The following RIC1 variants were observed in gnomAD, a reference collection of about 807,000 sequenced individuals.
The protein encoded by RIC1 is RIC1 partner of RAB6A GEF complex, also known as guanine nucleotide exchange factor subunit RIC1.
RIC1 carries 88 observed loss-of-function variants against 169.0 expected under a neutral mutation model. That is an observed-to-expected ratio of 0.52 (90% CI 0.44 to 0.62). The LOEUF (loss-of-function observed/expected upper bound fraction) is 0.62. Ranked by LOEUF, RIC1 falls within the 20% of genes least tolerant of loss-of-function variation. The pLI, the probability that RIC1 is intolerant of heterozygous loss-of-function variation, is 0.00. For missense variants in RIC1, 1,877 were observed against 1,725.5 expected, an observed-to-expected ratio of 1.09 and a Z score of -1.56; for synonymous variants, 790 against 601.5, an observed-to-expected ratio of 1.31 and a Z score of -4.59.
chr9:5,720,565 A>C lies in RIC1; in HGVS notation c.584-49A>C, dbSNP rs780337192. 6.6e-6 allele frequency: 10 copies of C among 1,513,402 alleles called. No individual in the cohort carries two copies. The African/African-American group carries it at 1.4e-4, about 21-fold the overall frequency. 93.7% of individuals were successfully genotyped at this position (1,513,402 alleles called of 1,614,324 possible). A position where few individuals can be genotyped will look rare whatever the true frequency, so the allele number is the denominator to read the frequency against. ...TTTTTCTGGCAAAAAGTGAGAGAGT[A>C]ATTTATTATATTCTTAATCCTATTT... On this transcript the variant is annotated intron_variant, in intron 5 of 25. Transcript: ENST00000414202.
chr9:5,709,615 T>C (rs1822813398), intron 3 of RIC1, among the ~76,000 whole-genome samples: 1 of 152,192 alleles, frequency 6.6e-6, no homozygotes, highest in African/African-American at 2.4e-5. Context: ...CATTCAGTGC[T>C]TTCATAATCT....
At chr9:5,762,401 C>T in intron 17 of RIC1, 140 bp from the exon 18 acceptor site, 1 of 1,004,940 alleles carries the variant, frequency 1.0e-6, no homozygotes, top group South Asian at 2.0e-5. Flanking sequence ...TCCCACAGAG[C>T]CTAGCAGAAT....
chr9:5,656,198 T>A (rs1819089502), intron 1 of RIC1, among the ~76,000 whole-genome samples: 1 of 152,182 alleles, frequency 6.6e-6, no homozygotes, highest in African/African-American at 2.4e-5. Flanking sequence ...TAATATCCTT[T>A]TCTGATTTTG....
intron 1 of RIC1, among the ~76,000 whole-genome samples, chr9:5,631,336 A>T (rs1382726706): frequency 6.6e-6 from 1 of 152,156 alleles, no homozygotes; most frequent in Admixed American, 6.5e-5. Flanking sequence ...TAGGGAACCC[A>T]TGGGTTTAGA....
intron 10 of RIC1, among the ~76,000 whole-genome samples, chr9:5,745,450 A>G (rs566743523): frequency 1.3e-5 from 2 of 152,314 alleles, no homozygotes; most frequent in East Asian, 1.9e-4. Context: ...CCAAGGTAAT[A>G]TATACAAAAA....
At chr9:5,680,012 C>A (rs947307634) in intron 2 of RIC1, among the ~76,000 whole-genome samples, 86 of 152,266 alleles carry the variant, frequency 5.6e-4, no homozygotes, top group African/African-American at 2.0e-3. Context: ...TGAGATACAT[C>A]CCATCAATAC....
At chr9:5,701,615 T>A (rs1224480545) in intron 3 of RIC1, among the ~76,000 whole-genome samples, 1 of 151,840 alleles carries the variant, frequency 6.6e-6, no homozygotes, top group Non-Finnish European at 1.5e-5. Flanking sequence ...AAAGAAAAGT[T>A]CAGTTACATT....
chr9:5,732,546 A>G, intron 7 of RIC1, 67 bp downstream of exon 7: 1 of 966,678 alleles, frequency 1.0e-6, no homozygotes, highest in Non-Finnish European at 1.6e-6. Flanking sequence ...TTTTTTTTGT[A>G]AACATAAGAT....
In RIC1 at chr9:5,756,195, AT is replaced by A; in HGVS notation, c.1693-12del. 1 of 1,482,056 alleles carries A rather than the reference AT, an allele frequency of 6.7e-7. No individual in the cohort carries two copies. Among genetic ancestry groups the A allele is most frequent in the Non-Finnish European group, 9.1e-7 (1 of 1,104,748 alleles). The allele number at this position is 1,482,056 out of a possible 1,614,324, so 91.8% of individuals were successfully genotyped here. On this transcript the variant is annotated splice_polypyrimidine_tract_variant and intron_variant, in intron 15 of 25. Coordinates refer to ENST00000414202, the MANE Select transcript of RIC1 (RefSeq NM_020829.4). ...TTATCTTGTTTTTATAATTTTCTTC[AT>A]TTTTGTTTTCTTCAGCTTAGAGTAT...
At chr9:5,632,239 A>T (rs1171652821) in intron 1 of RIC1, among the ~76,000 whole-genome samples, 1 of 152,226 alleles carries the variant, frequency 6.6e-6, no homozygotes, top group East Asian at 1.9e-4. Flanking sequence ...GCCTTGTGGA[A>T]GGGACAGTCG....
At chr9:5,636,258 G>A (rs1043047567) in intron 1 of RIC1, among the ~76,000 whole-genome samples, 7 of 152,038 alleles carry the variant, frequency 4.6e-5, no homozygotes, top group African/African-American at 7.2e-5. Flanking sequence ...GTTTAGTGGC[G>A]GTTAAATGTA....
chr9:5,752,102 ATTTAC>A (rs972425267), intron 12 of RIC1, among the ~76,000 whole-genome samples: 1 of 152,196 alleles, frequency 6.6e-6, no homozygotes, highest in African/African-American at 2.4e-5. Context: ...TAAAACGAAA[ATTTAC>A]TTTATCTACA....
chr9:5,653,584 TTTTCTTTCTTTC>T (rs139617606), intron 1 of RIC1, among the ~76,000 whole-genome samples: 13 of 150,574 alleles, frequency 8.6e-5, no homozygotes, highest in East Asian at 1.9e-4. Flanking sequence ...CCATTTATTT[TTTTCTTTCTTTC>T]TTTCTTTCTT....
chr9:5,680,890 G>A (rs1456371606), intron 2 of RIC1, among the ~76,000 whole-genome samples: 1 of 133,776 alleles, frequency 7.5e-6, no homozygotes, highest in Non-Finnish European at 1.6e-5. Context: ...GCAGTGGCGC[G>A]ATCTCGGCTC....
At chr9:5,669,680 A>G (rs1819977165) in intron 2 of RIC1, among the ~76,000 whole-genome samples, 1 of 152,224 alleles carries the variant, frequency 6.6e-6, no homozygotes, top group South Asian at 2.1e-4. Context: ...CTATCGCAGT[A>G]TATATAGGGA....
intron 8 of RIC1, 29 bp downstream of exon 8, chr9:5,738,567 A>G: frequency 9.7e-7 from 1 of 1,033,510 alleles, no homozygotes; most frequent in Non-Finnish European, 1.4e-6. Flanking sequence ...TTTTTTTTTT[A>G]ACATTTTTAA....
chr9:5,717,878 C>T (rs1207517620), intron 4 of RIC1, among the ~76,000 whole-genome samples: 17 of 150,286 alleles, frequency 1.1e-4, no homozygotes, highest in South Asian at 4.2e-4. Flanking sequence ...CAGTGGCTCA[C>T]GCCTGTAATC....
At chr9:5,702,631 C>A (rs538931559) in intron 3 of RIC1, among the ~76,000 whole-genome samples, 1 of 152,118 alleles carries the variant, frequency 6.6e-6, no homozygotes, top group Non-Finnish European at 1.5e-5. Flanking sequence ...CTCCGCCTCC[C>A]GGGTTGAAGC....
chr9:5,766,969 A>G (rs532476547), intron 21 of RIC1, among the ~76,000 whole-genome samples: 1 of 152,302 alleles, frequency 6.6e-6, no homozygotes, highest in East Asian at 1.9e-4. Flanking sequence ...GGCAGTGTAG[A>G]AGTGTTCCCT....
Sources: allele counts gnomAD v4.1 joint callset (sites outside exome capture counted in the v4.1 genomes callset), GRCh38; gene constraint gnomAD v4.1.1; transcripts MANE v1.5; gene names NCBI Gene and HGNC (gene_info 2026-07-23, HGNC 2026-07-21).